Variants in MACROD1 observed in about 807,000 individuals in gnomAD.
MACROD1 encodes the protein ADP-ribose glycohydrolase MACROD1.
MACROD1 carries 31 observed loss-of-function variants against 41.4 expected under a neutral mutation model. That is an observed-to-expected ratio of 0.75 (90% CI 0.56 to 1.01). The LOEUF (loss-of-function observed/expected upper bound fraction) is 1.01. Ranked by LOEUF, MACROD1 falls within the 50% of genes least tolerant of loss-of-function variation. MACROD1 has a pLI of 0.00. For synonymous variants in MACROD1, 252 were observed against 203.4 expected (o/e 1.24, Z -2.03); for missense variants, 473 against 460.0 (o/e 1.03, Z -0.26).
chr11:64,009,019 C>G (rs758250263), intron 4 of MACROD1: 2 of 152,178 alleles, frequency 1.3e-5, no homozygotes, highest in African/African-American at 4.8e-5. Context: ...ATAATTGAAA[C>G]GCTCGGATAC....
chr11:64,063,458 C>T (rs973561594), intron 3 of MACROD1, among the ~76,000 whole-genome samples: 6 of 152,144 alleles, frequency 3.9e-5, no homozygotes, highest in African/African-American at 1.4e-4. Flanking sequence ...GCGAATTGTG[C>T]TTTTCTTGAA....
chr11:64,081,618 A>C (rs1944305126), intron 3 of MACROD1: 1 of 123,526 alleles, frequency 8.1e-6, no homozygotes, highest in Non-Finnish European at 2.0e-5. Flanking sequence ...AAGGTGAGGA[A>C]GGGGACCACT....
intron 3 of MACROD1, among the ~76,000 whole-genome samples, chr11:64,070,241 C>T (rs1011164747): frequency 5.3e-5 from 8 of 152,126 alleles, no homozygotes; most frequent in African/African-American, 1.9e-4. Flanking sequence ...GTGTCTGAGT[C>T]TACTGATCAG....
intron 4 of MACROD1, among the ~76,000 whole-genome samples, chr11:64,010,433 A>G (rs1313026046): frequency 1.3e-5 from 1 of 75,070 alleles, no homozygotes; most frequent in Non-Finnish European, 2.5e-5. Flanking sequence ...ATGTTGGCTG[A>G]CATGTTGGGG....
intron 3 of MACROD1, among the ~76,000 whole-genome samples, chr11:64,105,825 G>A (rs890786437): frequency 1.3e-5 from 2 of 152,114 alleles, no homozygotes; most frequent in Non-Finnish European, 2.9e-5. Flanking sequence ...CCACAGCTGC[G>A]GGAGGGCTCT....
At chr11:64,009,705 T>A (rs75507148) in intron 4 of MACROD1, among the ~76,000 whole-genome samples, 1 of 152,182 alleles carries the variant, frequency 6.6e-6, no homozygotes, top group East Asian at 1.9e-4. Context: ...TCCTGTGCCC[T>A]CCAGGTTAAG....
At chr11:64,100,492 T>C (rs1380403940) in intron 3 of MACROD1, among the ~76,000 whole-genome samples, 3 of 151,582 alleles carry the variant, frequency 2.0e-5, no homozygotes, top group African/African-American at 7.3e-5. Flanking sequence ...AGGCGAGGAG[T>C]GTAACCACTA....
chr11:64,043,905 A>G (rs1382583937), intron 3 of MACROD1, among the ~76,000 whole-genome samples: 1 of 151,514 alleles, frequency 6.6e-6, no homozygotes, highest in Non-Finnish European at 1.5e-5. Flanking sequence ...TCTGTCTGCA[A>G]CAGGTTCAAG....
At chr11:64,108,601 T>A (rs1944805001) in intron 3 of MACROD1, among the ~76,000 whole-genome samples, 1 of 152,222 alleles carries the variant, frequency 6.6e-6, no homozygotes, top group African/African-American at 2.4e-5. Flanking sequence ...GAGCTGGAGA[T>A]GATTGTGCCT....
rs992590865 is a variant in MACROD1 at position 64,020,339 on chromosome 11, T to G, written c.518-5058A>C. 9.2e-5 allele frequency among the ~76,000 whole-genome samples: 14 copies of G among 152,208 alleles called. 1 individual carries two copies. The East Asian group carries it at 2.7e-3, about 29-fold the overall frequency. ...GACACGGAAAGTGATCCTCTCACAATGTACATTTGGAGAGGAGGTAAAATC... is the reference window on the plus strand; with the variant it reads ...GACACGGAAAGTGATCCTCTCACAAGGTACATTTGGAGAGGAGGTAAAATC... On this transcript the variant is annotated intron_variant, in intron 3 of 10. Transcript: ENST00000255681.
chr11:64,069,706 G>A (rs112657612), intron 3 of MACROD1, among the ~76,000 whole-genome samples: 25 of 152,306 alleles, frequency 1.6e-4, no homozygotes, highest in African/African-American at 5.8e-4. Context: ...AGGCGGTGGT[G>A]GGGCTGGTGA....
At chr11:64,111,835 G>C (rs1482892071) in intron 3 of MACROD1, among the ~76,000 whole-genome samples, 2 of 152,198 alleles carry the variant, frequency 1.3e-5, no homozygotes, top group Admixed American at 6.5e-5. Context: ...GTCAGATAAG[G>C]GTCAGAGCAG....
At chr11:64,095,526 C>T (rs1944560748) in intron 3 of MACROD1, among the ~76,000 whole-genome samples, 1 of 152,176 alleles carries the variant, frequency 6.6e-6, no homozygotes. Flanking sequence ...AGTGAGAGGG[C>T]ACCTGTCCCT....
At chr11:64,025,378 G>T (rs924179716) in intron 3 of MACROD1, among the ~76,000 whole-genome samples, 2 of 152,192 alleles carry the variant, frequency 1.3e-5, no homozygotes, top group Non-Finnish European at 2.9e-5. Flanking sequence ...CAGGAGGCGT[G>T]GCTGCTGTGG....
At position 63,999,656 on chromosome 11, in the gene MACROD1, G is replaced by A. The variant is rs758192787; in HGVS notation, c.772C>T (p.Arg258Trp). ...LSSLDLLLEH[R>W]LRSVAFPCIS... ...CCGTCCCTCACCACCGAGCGGAGCCGGTGCTCCAGCAGCAGGTCCAGACTG... is the reference window on the plus strand; with the variant it reads ...CCGTCCCTCACCACCGAGCGGAGCCAGTGCTCCAGCAGCAGGTCCAGACTG... Residue 258 changes from arginine to tryptophan, a missense_variant, in exon 6 of 11, where the codon CGG becomes TGG. By Grantham distance (101) the Arg-to-Trp change is moderately radical. Coordinates refer to ENST00000255681, the MANE Select transcript of MACROD1 (RefSeq NM_014067.4). 22 of 1,609,230 alleles carry A rather than the reference G, an allele frequency of 1.4e-5. No homozygotes were observed. The highest frequency in any genetic ancestry group is 2.7e-5 in the African/African-American group (2 of 74,980).
intron 3 of MACROD1, among the ~76,000 whole-genome samples, chr11:64,024,045 C>T (rs1477968277): frequency 6.6e-6 from 1 of 152,132 alleles, no homozygotes; most frequent in Non-Finnish European, 1.5e-5. Flanking sequence ...AGGTCCCCCT[C>T]AACACCCCCT....
chr11:64,140,026 T>A (rs1489118672), intron 3 of MACROD1, among the ~76,000 whole-genome samples: 1 of 151,482 alleles, frequency 6.6e-6, no homozygotes, highest in African/African-American at 2.4e-5. Flanking sequence ...GCCAGTTCTG[T>A]CTGGTAAGCA....
At position 63,999,789 on chromosome 11, in the gene MACROD1, G is replaced by T. The variant is rs776247294; in HGVS notation, c.665-26C>A. The T allele has an allele frequency of 4.4e-6, 7 of 1,594,774 alleles. No homozygotes were observed. In the African/African-American group the frequency reaches 8.0e-5, roughly 18 times the overall value. On this transcript the variant is annotated intron_variant, in intron 5 of 10. Transcript: ENST00000255681. ...CTACGGGGGGCGACGGGGTCAGACC[G>T]GCGGGGGTCTACGCGGTCCTCAGCT...
intron 3 of MACROD1, among the ~76,000 whole-genome samples, chr11:64,147,108 C>A (rs535942946): frequency 1.3e-5 from 2 of 152,320 alleles, no homozygotes; most frequent in South Asian, 4.1e-4. Context: ...CTCTGTTGCC[C>A]AGGCTGCAGT....
Sources: gnomAD v4.1 joint callset for allele counts (sites outside exome capture counted in the v4.1 genomes callset) on GRCh38, gnomAD v4.1.1 for gene constraint, MANE v1.5 for transcripts, NCBI Gene and HGNC (gene_info 2026-07-23, HGNC 2026-07-21) for gene names.